Variants in TENM3 observed in about 807,000 individuals in gnomAD.
The protein encoded by TENM3 is teneurin-3.
A neutral mutation model predicts 255.1 loss-of-function variants in TENM3; 63 were observed. That is an observed-to-expected ratio of 0.25 (90% CI 0.20 to 0.30). The LOEUF is 0.30. Ranked by LOEUF, TENM3 falls within the 10% of genes least tolerant of loss-of-function variation. TENM3 has a pLI of 1.00. For missense variants in TENM3, 2,929 were observed against 3,461.1 expected (o/e 0.85, Z 3.86); for synonymous variants, 1,306 against 1,322.3 (o/e 0.99, Z 0.27).
chr4:181,595,203 G>A, the TENM3 span, among the ~76,000 whole-genome samples: 1 of 151,978 alleles, frequency 6.6e-6, no homozygotes, highest in African/African-American at 2.4e-5. Context: ...GGCTGAGGCG[G>A]ACAGATTGCT....
At chr4:182,516,890 C>CAAAAAAAAA (rs71605070) in intron 3 of TENM3, among the ~76,000 whole-genome samples, 1 of 128,126 alleles carries the variant, frequency 7.8e-6, no homozygotes. Context: ...GACCCAGTCT[C>CAAAAAAAAA]AAAAAAAAAA....
chr4:182,541,938 C>G (rs1409996135), intron 3 of TENM3, among the ~76,000 whole-genome samples: 1 of 151,990 alleles, frequency 6.6e-6, no homozygotes, highest in African/African-American at 2.4e-5. Context: ...TGGCGCACAC[C>G]TGTAGTCCCA....
the TENM3 span, among the ~76,000 whole-genome samples, chr4:182,037,213 T>C: frequency 2.6e-5 from 4 of 151,314 alleles, no homozygotes; most frequent in African/African-American, 9.7e-5. Flanking sequence ...AGTGGTGCAA[T>C]CTCAGCCCAC....
intron 3 of TENM3, among the ~76,000 whole-genome samples, chr4:182,591,094 A>G (rs1388073452): frequency 6.6e-6 from 1 of 152,206 alleles, no homozygotes; most frequent in Non-Finnish European, 1.5e-5. Flanking sequence ...GGCATAAAGT[A>G]AACACTCAAG....
intron 3 of TENM3, among the ~76,000 whole-genome samples, chr4:182,512,703 T>G (rs1404882008): frequency 6.6e-6 from 1 of 152,208 alleles, no homozygotes; most frequent in East Asian, 1.9e-4. Context: ...GATATCCAGA[T>G]AGTCGTGACC....
chr4:182,526,706 A>G (rs549155080), intron 3 of TENM3, among the ~76,000 whole-genome samples: 3 of 152,324 alleles, frequency 2.0e-5, no homozygotes, highest in African/African-American at 7.2e-5. Flanking sequence ...GAATTGCACT[A>G]ATTTACTGTG....
At chr4:182,004,437 C>T in the TENM3 span, among the ~76,000 whole-genome samples, 4 of 151,880 alleles carry the variant, frequency 2.6e-5, no homozygotes, top group African/African-American at 9.7e-5. Context: ...ATGGTGTATA[C>T]TATGGGTGTA....
the TENM3 span, among the ~76,000 whole-genome samples, chr4:182,136,419 G>A: frequency 6.6e-6 from 1 of 152,044 alleles, no homozygotes; most frequent in African/African-American, 2.4e-5. Context: ...TATAGATGTT[G>A]TCTGGGTGAT....
the TENM3 span, among the ~76,000 whole-genome samples, chr4:181,992,839 A>G: frequency 1.4e-4 from 22 of 152,132 alleles, no homozygotes; most frequent in Non-Finnish European, 3.1e-4. Context: ...ATATCCAATG[A>G]AATGCCTTTA....
chr4:182,643,446 GC>G (rs1203141832), intron 5 of TENM3, among the ~76,000 whole-genome samples: 23 of 152,224 alleles, frequency 1.5e-4, no homozygotes, highest in African/African-American at 5.5e-4. Flanking sequence ...CAATAATTTA[GC>G]CTAAATATTT....
At chr4:181,521,560 C>T in the TENM3 span, among the ~76,000 whole-genome samples, 5 of 152,164 alleles carry the variant, frequency 3.3e-5, no homozygotes, top group Non-Finnish European at 5.9e-5. Flanking sequence ...TCTTGACATG[C>T]GTAATCGTAA....
Position 182,728,996 on chromosome 4 carries a change from C to T in TENM3, c.2400C>T (p.Cys800=). 6.2e-7 allele frequency: 1 copy of T among 1,613,942 alleles called. No individual in the cohort carries two copies. The highest frequency in any genetic ancestry group is 8.5e-7 in the Non-Finnish European group (1 of 1,179,872). Residue 800 remains cysteine (C), a synonymous_variant, in exon 14 of 28, where the codon TGC becomes TGT. Transcript: ENST00000511685. ...DGLIDCMDPD[C]CLQSSCQNQP... ...TCATTGACTGCATGGATCCCGATTG[C>T]TGCCTACAGAGTTCCTGCCAGAATC...
At chr4:182,077,715 G>A in the TENM3 span, among the ~76,000 whole-genome samples, 9 of 152,186 alleles carry the variant, frequency 5.9e-5, no homozygotes, top group African/African-American at 2.2e-4. Context: ...AGAGGTTCCT[G>A]CCTTGGTGGA....
the TENM3 span, among the ~76,000 whole-genome samples, chr4:181,466,484 G>A: frequency 6.6e-6 from 1 of 152,128 alleles, no homozygotes; most frequent in African/African-American, 2.4e-5. Flanking sequence ...TGCTGTGTGA[G>A]CCACCTACAC....
chr4:182,094,488 C>T, the TENM3 span, among the ~76,000 whole-genome samples: 9 of 152,154 alleles, frequency 5.9e-5, no homozygotes, highest in Admixed American at 5.9e-4. Flanking sequence ...CGTTGTGATC[C>T]GCCCGCCTCG....
chr4:182,308,546 C>T (rs566303715), intron 1 of TENM3, among the ~76,000 whole-genome samples: 3 of 152,158 alleles, frequency 2.0e-5, no homozygotes, highest in South Asian at 4.2e-4. Context: ...CACTATATTG[C>T]CCACGCTGGT....
intron 3 of TENM3, among the ~76,000 whole-genome samples, chr4:182,546,725 A>T (rs2151912150): frequency 6.6e-6 from 1 of 152,332 alleles, no homozygotes; most frequent in African/African-American, 2.4e-5. Flanking sequence ...AGAAATAGGG[A>T]ATCCTACCAG....
At chr4:182,615,069 A>ATATTT (rs1202422295) in intron 4 of TENM3, among the ~76,000 whole-genome samples, 5 of 130,372 alleles carry the variant, frequency 3.8e-5, no homozygotes, top group East Asian at 2.2e-4. Flanking sequence ...ATATATATGT[A>ATATTT]TTTTTTTTTT....
chr4:181,652,066 G>A, the TENM3 span, among the ~76,000 whole-genome samples: 12,039 of 147,316 alleles, frequency 0.082, 640 homozygotes, highest in South Asian at 0.14. Context: ...CATGCATTTC[G>A]TTGTTCTGTC....
Sources: gnomAD v4.1 joint callset for allele counts (sites outside exome capture counted in the v4.1 genomes callset) on GRCh38, gnomAD v4.1.1 for gene constraint, MANE v1.5 for transcripts, NCBI Gene and HGNC (gene_info 2026-07-23, HGNC 2026-07-21) for gene names.